Variants in ASIC2 observed in about 807,000 individuals in gnomAD.
ASIC2 encodes the protein acid sensing ion channel subunit 2.
Under a neutral mutation model 57.3 loss-of-function variants are expected in ASIC2, and 25 were observed. That is an observed-to-expected ratio of 0.44 (90% CI 0.32 to 0.61). The LOEUF is 0.61. ASIC2 is among the 20% of genes least tolerant of loss of function. The pLI is 0.06. For missense variants in ASIC2, 641 were observed against 738.1 expected, an observed-to-expected ratio of 0.87 and a Z score of 1.52; for synonymous variants, 319 against 307.5, an observed-to-expected ratio of 1.04 and a Z score of -0.39.
At chr17:34,037,590 T>G in intron 1 of ASIC2, 1 of 1,524,786 alleles carries the variant, frequency 6.6e-7, no homozygotes, top group Non-Finnish European at 8.9e-7. Flanking sequence ...ACTTTGTGTG[T>G]GTTGAACAGT....
intron 1 of ASIC2, among the ~76,000 whole-genome samples, chr17:33,795,855 A>T (rs538231286): frequency 6.6e-6 from 1 of 152,364 alleles, no homozygotes; most frequent in South Asian, 2.1e-4. Flanking sequence ...TGGGGCCAGA[A>T]CTTATCCAGG....
intron 1 of ASIC2, among the ~76,000 whole-genome samples, chr17:33,441,772 T>C (rs1911830988): frequency 6.6e-6 from 1 of 152,226 alleles, no homozygotes; most frequent in Non-Finnish European, 1.5e-5. Context: ...CATTAGATTA[T>C]ACCCCTTTTG....
chr17:33,921,632 G>A (rs914773633), intron 1 of ASIC2, among the ~76,000 whole-genome samples: 1 of 152,100 alleles, frequency 6.6e-6, no homozygotes, highest in Non-Finnish European at 1.5e-5. Context: ...GAGAGGTTCT[G>A]TGCTGGTTAA....
chr17:33,310,542 C>T (rs1481658757), intron 1 of ASIC2, among the ~76,000 whole-genome samples: 3 of 152,132 alleles, frequency 2.0e-5, no homozygotes, highest in Non-Finnish European at 2.9e-5. Flanking sequence ...TGGTGCTGAT[C>T]TGAGGGAATA....
At chr17:33,127,691 T>A (rs1003198201) in intron 1 of ASIC2, among the ~76,000 whole-genome samples, 1 of 152,210 alleles carries the variant, frequency 6.6e-6, no homozygotes, top group Non-Finnish European at 1.5e-5. Flanking sequence ...CTCCTCTCAG[T>A]CCTGCCTACC....
chr17:33,114,876 T>C (rs1340217293), intron 1 of ASIC2, among the ~76,000 whole-genome samples: 1 of 152,256 alleles, frequency 6.6e-6, no homozygotes, highest in African/African-American at 2.4e-5. Context: ...CTCTCAGTTT[T>C]TCCACTTACA....
chr17:33,494,141 C>G (rs1423199582), intron 1 of ASIC2, among the ~76,000 whole-genome samples: 2 of 152,226 alleles, frequency 1.3e-5, no homozygotes, highest in Admixed American at 6.5e-5. Flanking sequence ...CTCTCAATCA[C>G]CAGGAACCAC....
At chr17:33,362,890 G>C (rs1908665674) in intron 1 of ASIC2, among the ~76,000 whole-genome samples, 1 of 152,200 alleles carries the variant, frequency 6.6e-6, no homozygotes, top group Non-Finnish European at 1.5e-5. Flanking sequence ...TATCCCAAGG[G>C]GGTGACATAT....
intron 1 of ASIC2, among the ~76,000 whole-genome samples, chr17:33,147,218 G>T (rs1904598051): frequency 6.6e-6 from 1 of 152,006 alleles, no homozygotes; most frequent in African/African-American, 2.4e-5. Flanking sequence ...TAAAGTGGAT[G>T]GTAAAAACTG....
intron 1 of ASIC2, among the ~76,000 whole-genome samples, chr17:34,110,696 A>G (rs1293292367): frequency 6.6e-6 from 1 of 152,180 alleles, no homozygotes; most frequent in African/African-American, 2.4e-5. Flanking sequence ...CCAAGCACCC[A>G]TGCTGAGGTC....
intron 1 of ASIC2, among the ~76,000 whole-genome samples, chr17:34,085,115 C>T (rs1910057374): frequency 6.6e-6 from 1 of 152,146 alleles, no homozygotes; most frequent in Non-Finnish European, 1.5e-5. Context: ...CCGTCTTGTG[C>T]CAATTTTCAA....
intron 1 of ASIC2, among the ~76,000 whole-genome samples, chr17:33,904,626 C>A (rs1915308866): frequency 6.6e-6 from 1 of 152,168 alleles, no homozygotes; most frequent in South Asian, 2.1e-4. Flanking sequence ...TGATAAGAAC[C>A]ACCACTTTGA....
chr17:33,543,639 T>C (rs1390655447), intron 1 of ASIC2, among the ~76,000 whole-genome samples: 1 of 152,242 alleles, frequency 6.6e-6, no homozygotes, highest in East Asian at 1.9e-4. Context: ...GCTACCATTA[T>C]CGAGCATTTA....
Position 33,215,026 on chromosome 17 carries a change from T to C in ASIC2, c.708+76382A>G, listed in dbSNP as rs150235642. Among the ~76,000 whole-genome samples the C allele has an allele frequency of 4.0e-3, 608 of 152,284 alleles. 2 individuals are homozygous for C. The highest frequency in any genetic ancestry group is 0.014 in the African/African-American group (578 of 41,554). On this transcript the variant is annotated intron_variant, in intron 1 of 9. Coordinates refer to ENST00000225823, the MANE Select transcript of ASIC2 (RefSeq NM_183377.2). ...CTCTACTAAGAGGCTTCCCTATACA[T>C]GAAGACGAAGCCCTGTCACAATTCA...
chr17:33,578,608 TTTA>T (rs1916724813), intron 1 of ASIC2, among the ~76,000 whole-genome samples: 1 of 152,134 alleles, frequency 6.6e-6, no homozygotes, highest in African/African-American at 2.4e-5. Context: ...TGGGAAGATC[TTTA>T]TACGTTTGGG....
chr17:33,619,397 C>T (rs1027962527), intron 1 of ASIC2, among the ~76,000 whole-genome samples: 6 of 151,938 alleles, frequency 3.9e-5, no homozygotes, highest in African/African-American at 1.4e-4. Flanking sequence ...AATTAAAAAA[C>T]ACAAGGTTTT....
chr17:33,504,490 CCA>C (rs1914192078), intron 1 of ASIC2, among the ~76,000 whole-genome samples: 1 of 152,122 alleles, frequency 6.6e-6, no homozygotes. Context: ...GGGTGCGCCA[CCA>C]CCACACCCAG....
intron 1 of ASIC2, among the ~76,000 whole-genome samples, chr17:33,943,540 G>T (rs1916238797): frequency 6.6e-6 from 1 of 152,106 alleles, no homozygotes; most frequent in Admixed American, 6.5e-5. Context: ...TACAGTTGAG[G>T]CTGCAGACCC....
At chr17:33,602,089 T>C (rs1905126909) in intron 1 of ASIC2, among the ~76,000 whole-genome samples, 1 of 151,914 alleles carries the variant, frequency 6.6e-6, no homozygotes, top group South Asian at 2.1e-4. Context: ...GACAAATCCT[T>C]GGGTCTCCCT....
Sources: allele counts gnomAD v4.1 joint callset (sites outside exome capture counted in the v4.1 genomes callset), GRCh38; gene constraint gnomAD v4.1.1; transcripts MANE v1.5; gene names NCBI Gene and HGNC (gene_info 2026-07-23, HGNC 2026-07-21).